The following NR6A1 variants were observed in gnomAD, a reference collection of about 807,000 sequenced individuals.
The protein encoded by NR6A1 is retinoic acid receptor-related testis-associated receptor.
In NR6A1, 7 loss-of-function variants were observed where a neutral mutation model predicts 59.1. The observed-to-expected ratio is 0.12, with a 90% confidence interval of 0.07 to 0.22. The LOEUF (loss-of-function observed/expected upper bound fraction) is 0.22, where lower values mean the gene tolerates loss of function less well. Ranked by LOEUF, NR6A1 falls within the 10% of genes least tolerant of loss-of-function variation. The probability of loss-of-function intolerance (pLI) is 1.00; values close to 1 mark genes in which losing one functional copy is unlikely to be tolerated. For synonymous variants in NR6A1, 243 were observed against 236.1 expected (o/e 1.03, Z -0.27); for missense variants, 468 against 611.6 (o/e 0.77, Z 2.48).
intron 2 of NR6A1, among the ~76,000 whole-genome samples, chr9:124,653,918 G>A (rs998108017): frequency 6.6e-6 from 1 of 152,092 alleles, no homozygotes; most frequent in Admixed American, 6.5e-5. Flanking sequence ...ATGTGCCGAG[G>A]ACATATGCTT....
rs573196933 is a variant in NR6A1 at position 124,759,085 on chromosome 9, T to C, written c.100+11935A>G. Among the ~76,000 whole-genome samples, 174 of 152,370 alleles carry C rather than the reference T, an allele frequency of 1.1e-3. 1 individual carries two copies. The highest frequency in any genetic ancestry group is 3.8e-3 in the African/African-American group (158 of 41,594). Reference sequence around the variant, plus strand: ...CTCTAAAGTCTTTTCCTATTCAAACTACTTTGCTAACATAATCTATTAACC... The same window carrying C: ...CTCTAAAGTCTTTTCCTATTCAAACCACTTTGCTAACATAATCTATTAACC... On this transcript the variant is annotated intron_variant, in intron 1 of 9. Transcript: ENST00000487099.
rs1832751737 is a variant in NR6A1, at chr9:124,519,479, C to G, written c.*3226G>C. The G allele has an allele frequency of 6.6e-6, 1 of 152,210 alleles. No individual in the cohort carries two copies. The highest frequency in any genetic ancestry group is 6.5e-5 in the Admixed American group (1 of 15,284). The allele number at this position is 152,210 out of a possible 1,614,324, so 9.4% of individuals were successfully genotyped here. On this transcript the variant is annotated 3_prime_UTR_variant, in exon 10 of 10. Transcript: ENST00000487099. ...CATGAATAAGTTCCAAGATGCCAAA[C>G]TTTTGTCTTGGGACAAGAAAACATC...
At chr9:124,606,616 T>A (rs1835581703) in intron 2 of NR6A1, among the ~76,000 whole-genome samples, 1 of 152,260 alleles carries the variant, frequency 6.6e-6, no homozygotes, top group African/African-American at 2.4e-5. Flanking sequence ...GCAAGGCACT[T>A]CAATTCTCCT....
At chr9:124,767,262 C>T (rs1840959731) in intron 1 of NR6A1, among the ~76,000 whole-genome samples, 1 of 152,166 alleles carries the variant, frequency 6.6e-6, no homozygotes, top group Non-Finnish European at 1.5e-5. Flanking sequence ...AACTCCCTTT[C>T]ATGTACTAAC....
intron 2 of NR6A1, among the ~76,000 whole-genome samples, chr9:124,701,647 T>G (rs139256447): frequency 3.8e-4 from 58 of 152,368 alleles, no homozygotes; most frequent in Middle Eastern, 6.8e-3. Flanking sequence ...ATATTTTTTG[T>G]TAATTTCTAA....
At chr9:124,751,742 T>C (rs1409731554) in intron 1 of NR6A1, among the ~76,000 whole-genome samples, 1 of 152,218 alleles carries the variant, frequency 6.6e-6, no homozygotes, top group Non-Finnish European at 1.5e-5. Flanking sequence ...ATGGCTAGCA[T>C]AGACAAAGTA....
At chr9:124,623,515 A>G (rs1588717061) in intron 2 of NR6A1, among the ~76,000 whole-genome samples, 2 of 147,716 alleles carry the variant, frequency 1.4e-5, no homozygotes, top group African/African-American at 5.1e-5. Context: ...ATGAGCTACC[A>G]TGCCTGGCTA....
intron 7 of NR6A1, among the ~76,000 whole-genome samples, chr9:124,530,589 C>G (rs1433578721): frequency 6.6e-6 from 1 of 152,192 alleles, no homozygotes; most frequent in Non-Finnish European, 1.5e-5. Context: ...AACCACTGGA[C>G]CATTCAGTCA....
intron 2 of NR6A1, among the ~76,000 whole-genome samples, chr9:124,722,467 A>G (rs1298701132): frequency 2.0e-5 from 3 of 152,212 alleles, no homozygotes; most frequent in Non-Finnish European, 4.4e-5. Flanking sequence ...GAATACTGGA[A>G]TTTTAGGGTA....
At chr9:124,541,340 C>T (rs565791176) in intron 4 of NR6A1, among the ~76,000 whole-genome samples, 2 of 152,166 alleles carry the variant, frequency 1.3e-5, no homozygotes, top group East Asian at 3.9e-4. Context: ...AGACATTTCT[C>T]CAAAGAAGAC....
At chr9:124,654,910 AC>A (rs1217423258) in intron 2 of NR6A1, among the ~76,000 whole-genome samples, 5 of 149,744 alleles carry the variant, frequency 3.3e-5, no homozygotes, top group Non-Finnish European at 5.9e-5. Flanking sequence ...ACACACACAC[AC>A]ACCTGCCAAA....
intron 2 of NR6A1, among the ~76,000 whole-genome samples, chr9:124,704,909 G>T (rs947419334): frequency 6.6e-6 from 1 of 151,916 alleles, no homozygotes; most frequent in Non-Finnish European, 1.5e-5. Flanking sequence ...CGAATTTCTG[G>T]TATGTTTTTG....
In NR6A1 at chr9:124,524,888, A is replaced by AC. The variant is rs1309684419; in HGVS notation, c.1202-16_1202-15insG. On this transcript the variant is annotated splice_polypyrimidine_tract_variant and intron_variant, in intron 8 of 9. Transcript: ENST00000487099. ...ACCCCTGATATCTGTGGAAAAAAAA[A>AC]AAACACACACACACATACAGGGAAT... The AC allele has an allele frequency of 7.5e-6, 12 of 1,594,124 alleles. No homozygotes were observed. The African/African-American group carries it at 1.2e-4, about 17-fold the overall frequency.
At chr9:124,598,997 G>A in intron 2 of NR6A1, 3 of 736,784 alleles carry the variant, frequency 4.1e-6, no homozygotes, top group Admixed American at 1.8e-5. Context: ...GTAGTGGTTG[G>A]CACAAATCTT....
chr9:124,761,705 T>C (rs1840789569), intron 1 of NR6A1, among the ~76,000 whole-genome samples: 2 of 152,208 alleles, frequency 1.3e-5, no homozygotes, highest in Admixed American at 1.3e-4. Flanking sequence ...CAAACTATTC[T>C]TGATGGAAGT....
intron 2 of NR6A1, among the ~76,000 whole-genome samples, chr9:124,583,576 G>A (rs926029722): frequency 1.3e-5 from 2 of 152,094 alleles, no homozygotes; most frequent in Non-Finnish European, 1.5e-5. Context: ...TTAGGGGCAG[G>A]GGCATCCACT....
In NR6A1 at chr9:124,628,505, G is replaced by A. The variant is rs561747898; in HGVS notation, c.143-73935C>T. ...ACTTCAGGCACATACTACCACACCC[G>A]GCTAATTTTTTGTATTTTAATAGAG... is the stretch of plus-strand genomic sequence containing the variant. On this transcript the variant is annotated intron_variant, in intron 2 of 9. Transcript: ENST00000487099. Among the ~76,000 whole-genome samples, 37 of 152,030 alleles carry A rather than the reference G, an allele frequency of 2.4e-4. No individual in the cohort carries two copies. In the East Asian group the frequency reaches 6.8e-3, roughly 28 times the overall value.
intron 2 of NR6A1, among the ~76,000 whole-genome samples, chr9:124,732,932 G>A (rs1022237992): frequency 6.6e-6 from 1 of 151,954 alleles, no homozygotes; most frequent in African/African-American, 2.4e-5. Flanking sequence ...TCTGACTTCA[G>A]GTGATCCACC....
intron 2 of NR6A1, among the ~76,000 whole-genome samples, chr9:124,601,500 C>T (rs898238336): frequency 2.0e-5 from 3 of 147,806 alleles, no homozygotes; most frequent in Non-Finnish European, 3.0e-5. Context: ...AGGAGAATGG[C>T]GTGAACCTGG....
Sources: gnomAD v4.1 joint callset for allele counts (sites outside exome capture counted in the v4.1 genomes callset) on GRCh38, gnomAD v4.1.1 for gene constraint, MANE v1.5 for transcripts, NCBI Gene and HGNC (gene_info 2026-07-23, HGNC 2026-07-21) for gene names.